C16orf74: variants seen among roughly 807,000 people sequenced by gnomAD.
C16orf74 encodes the protein uncharacterized protein C16orf74.
In C16orf74, 10 loss-of-function variants were observed where a neutral mutation model predicts 6.5. That is an observed-to-expected ratio of 1.54 (90% CI 0.95 to 2.61). The LOEUF (loss-of-function observed/expected upper bound fraction) is 2.61, where lower values mean the gene tolerates loss of function less well. Ranked by LOEUF, C16orf74 falls within the 30% of genes most tolerant of loss-of-function variation. C16orf74 has a pLI of 0.00. For synonymous variants in C16orf74, 60 were observed against 42.5 expected (o/e 1.41, Z -1.60); for missense variants, 141 against 105.9 (o/e 1.33, Z -1.45).
At chr16:85,717,171 C>G (rs1296383944) in intron 2 of C16orf74, among the ~76,000 whole-genome samples, 1 of 152,236 alleles carries the variant, frequency 6.6e-6, no homozygotes, top group African/African-American at 2.4e-5. Flanking sequence ...GCCCCTGGAG[C>G]TGGATTTCCA....
chr16:85,724,389 G>A (rs897127603), intron 2 of C16orf74, among the ~76,000 whole-genome samples: 3 of 152,186 alleles, frequency 2.0e-5, no homozygotes, highest in Non-Finnish European at 4.4e-5. Context: ...GCTCTGTCTG[G>A]ACTCTGGACT....
chr16:85,731,159 T>C (rs1483928655), intron 2 of C16orf74, among the ~76,000 whole-genome samples: 3 of 152,212 alleles, frequency 2.0e-5, no homozygotes, highest in Admixed American at 6.5e-5. Context: ...GTGGGCTGGA[T>C]GCAGGATGCC....
chr16:85,750,402 G>A (rs1378572246), intron 1 of C16orf74, among the ~76,000 whole-genome samples: 1 of 152,234 alleles, frequency 6.6e-6, no homozygotes, highest in African/African-American at 2.4e-5. Context: ...AGGAGCGCGT[G>A]CGTCCACACG....
chr16:85,745,427 G>A (rs1598811315), intron 1 of C16orf74, among the ~76,000 whole-genome samples: 1 of 152,242 alleles, frequency 6.6e-6, no homozygotes, highest in South Asian at 2.1e-4. Context: ...GCTCACAACA[G>A]ACTGCTTGTC....
chr16:85,731,715 T>C (rs1305007325), intron 2 of C16orf74, among the ~76,000 whole-genome samples: 1 of 150,974 alleles, frequency 6.6e-6, no homozygotes, highest in Non-Finnish European at 1.5e-5. Flanking sequence ...TGAGACAGGG[T>C]CTGGCTCTGT....
intron 2 of C16orf74, among the ~76,000 whole-genome samples, chr16:85,720,351 G>A (rs1316614834): frequency 6.6e-6 from 1 of 152,156 alleles, no homozygotes; most frequent in Non-Finnish European, 1.5e-5. Flanking sequence ...GGCACTGACT[G>A]CACTTCCTCC....
At chr16:85,729,822 A>T (rs1598796271) in intron 2 of C16orf74, among the ~76,000 whole-genome samples, 3 of 152,188 alleles carry the variant, frequency 2.0e-5, no homozygotes, top group African/African-American at 7.2e-5. Flanking sequence ...AAGCTGGAAG[A>T]GGCAGGAAGG....
chr16:85,722,789 G>A (rs1401915620), intron 2 of C16orf74, among the ~76,000 whole-genome samples: 1 of 152,266 alleles, frequency 6.6e-6, no homozygotes, highest in Non-Finnish European at 1.5e-5. Flanking sequence ...GTGTTGAGAA[G>A]AGACAAGTGC....
At chr16:85,729,205 C>T (rs1333847083) in intron 2 of C16orf74, among the ~76,000 whole-genome samples, 2 of 152,226 alleles carry the variant, frequency 1.3e-5, no homozygotes, top group Admixed American at 6.5e-5. Flanking sequence ...TCCCCTGTGC[C>T]TCAGCCTCCC....
rs755611325 is a variant in C16orf74, at chr16:85,708,072, A to G, written c.173-6T>C. 6.4e-7 allele frequency: 1 copy of G among 1,552,732 alleles called. No individual in the cohort carries two copies. The highest frequency in any genetic ancestry group is 1.2e-5 in the South Asian group (1 of 84,110). On this transcript the variant is annotated splice_region_variant and splice_polypyrimidine_tract_variant and intron_variant, in intron 3 of 3. Coordinates refer to ENST00000284245, the MANE Select transcript of C16orf74 (RefSeq NM_206967.3). ...CCCTGTCTCATCCAGCCAGACTAGG[A>G]GAAAGAGGGGATGGACACCTGGATG...
At chr16:85,750,652 A>G (rs1248546115) in intron 1 of C16orf74, among the ~76,000 whole-genome samples, 1 of 152,054 alleles carries the variant, frequency 6.6e-6, no homozygotes, top group African/African-American at 2.4e-5. Context: ...GGGGGGCCAG[A>G]GGCTTCCGCG....
chr16:85,715,192 CA>C (rs2054011343), intron 2 of C16orf74, among the ~76,000 whole-genome samples: 1 of 151,412 alleles, frequency 6.6e-6, no homozygotes, highest in Non-Finnish European at 1.5e-5. Flanking sequence ...ATTTCTCCTG[CA>C]ATCTTGCACA....
intron 2 of C16orf74, among the ~76,000 whole-genome samples, chr16:85,734,339 G>A (rs1350345007): frequency 1.3e-5 from 2 of 152,138 alleles, no homozygotes; most frequent in Non-Finnish European, 2.9e-5. Context: ...GTCTCACAGA[G>A]GCATTGGTGA....
intron 1 of C16orf74, among the ~76,000 whole-genome samples, chr16:85,741,185 C>T (rs1395030866): frequency 6.6e-6 from 1 of 152,126 alleles, no homozygotes; most frequent in South Asian, 2.1e-4. Flanking sequence ...GCAGCATGTG[C>T]GTCAGATCGC....
chr16:85,726,511 G>A (rs1007710140), intron 2 of C16orf74, among the ~76,000 whole-genome samples: 6 of 152,108 alleles, frequency 3.9e-5, no homozygotes, highest in African/African-American at 1.4e-4. Context: ...AGTGGGTGAG[G>A]ACCTCCCCCA....
At chr16:85,731,710 C>T (rs146418047) in intron 2 of C16orf74, among the ~76,000 whole-genome samples, 2,999 of 149,588 alleles carry the variant, frequency 0.02, 46 homozygotes, top group Non-Finnish European at 0.034. Context: ...TTTTTTGAGA[C>T]AGGGTCTGGC....
At chr16:85,721,862 C>T (rs894071727) in intron 2 of C16orf74, among the ~76,000 whole-genome samples, 2 of 152,196 alleles carry the variant, frequency 1.3e-5, no homozygotes, top group Non-Finnish European at 2.9e-5. Context: ...TGCCCTTGAC[C>T]TGCTGTGTGG....
intron 1 of C16orf74, among the ~76,000 whole-genome samples, chr16:85,739,442 G>A (rs540430434): frequency 1.8e-4 from 27 of 152,312 alleles, no homozygotes; most frequent in Non-Finnish European, 2.9e-4. Context: ...AAAGAATGAT[G>A]TCTGGAATTT....
chr16:85,747,858 C>G (rs2054390913), intron 1 of C16orf74, among the ~76,000 whole-genome samples: 1 of 151,956 alleles, frequency 6.6e-6, no homozygotes, highest in South Asian at 2.1e-4. Context: ...GAGGCTCAGG[C>G]AGGTGGATCA....
Sources: allele counts gnomAD v4.1 joint callset (sites outside exome capture counted in the v4.1 genomes callset), GRCh38; gene constraint gnomAD v4.1.1; transcripts MANE v1.5; gene names NCBI Gene and HGNC (gene_info 2026-07-23, HGNC 2026-07-21).